NFYB: variants seen among roughly 807,000 people sequenced by gnomAD.
NFYB encodes CAAT box DNA-binding protein subunit B.
Under a neutral mutation model 28.0 loss-of-function variants are expected in NFYB, and 13 were observed. The observed-to-expected ratio is 0.46, with a 90% CI of 0.30 to 0.74. The LOEUF (loss-of-function observed/expected upper bound fraction) is 0.74, where lower values mean the gene tolerates loss of function less well. Among genes scored for constraint, NFYB ranks in the 30% least tolerant of loss-of-function variants. NFYB has a pLI of 0.07. For synonymous variants in NFYB, 74 were observed against 75.0 expected (o/e 0.99, Z 0.07); for missense variants, 142 against 247.6 (o/e 0.57, Z 2.86).
At position 104,130,717 on chromosome 12, in the gene NFYB, T is replaced by C. The variant is rs528307221; in HGVS notation, c.7-2200A>G. On this transcript the variant is annotated intron_variant, in intron 2 of 7. Transcript: ENST00000240055. Reference sequence around the variant, plus strand: ...CAGTGCCCAAAAATCAAATGCTATTTTGATCTTAAAATGCTAACATACTAG... The same window carrying C: ...CAGTGCCCAAAAATCAAATGCTATTCTGATCTTAAAATGCTAACATACTAG... Among the ~76,000 whole-genome samples the C allele has an allele frequency of 7.2e-4, 109 of 152,356 alleles. 1 individual carries two copies. Among genetic ancestry groups the C allele is most frequent in the Non-Finnish European group, 4.1e-4 (28 of 68,034 alleles).
Position 104,119,428 on chromosome 12 carries a change from G to C in NFYB, c.*309C>G, listed in dbSNP as rs117027469. On this transcript the variant is annotated 3_prime_UTR_variant, in exon 8 of 8. Transcript: ENST00000240055. ...TGATTCAATATGAAAATAAGAAACT[G>C]TCTACAAATCTCTGACAGTAATAAA... The C allele has an allele frequency of 2.3e-3, 458 of 201,596 alleles. No individual in the cohort carries two copies. The highest frequency in any genetic ancestry group is 3.9e-3 in the South Asian group (21 of 5,436). 12.5% of individuals were successfully genotyped at this position (201,596 alleles called of 1,614,324 possible). A position where few individuals can be genotyped will look rare whatever the true frequency, so the allele number is the denominator to read the frequency against.
intron 2 of NFYB, among the ~76,000 whole-genome samples, chr12:104,134,570 G>C (rs1277423545): frequency 6.6e-6 from 1 of 151,972 alleles, no homozygotes; most frequent in Non-Finnish European, 1.5e-5. Context: ...TTAACATATT[G>C]TTATAAGACT....
chr12:104,130,436 T>C (rs542945638), intron 2 of NFYB, among the ~76,000 whole-genome samples: 1 of 152,296 alleles, frequency 6.6e-6, no homozygotes, highest in East Asian at 1.9e-4. Context: ...TAGAGACACA[T>C]TTCTATAATT....
chr12:104,132,551 G>C (rs748243258), intron 2 of NFYB, among the ~76,000 whole-genome samples: 1 of 152,220 alleles, frequency 6.6e-6, no homozygotes, highest in Non-Finnish European at 1.5e-5. Flanking sequence ...CATCAGGTCT[G>C]GGTGAGAGCG....
Position 104,128,462 on chromosome 12 carries a change from T to C in NFYB, c.62A>G (p.Tyr21Cys), listed in dbSNP as rs1438476529. Residue 21 changes from tyrosine to cysteine, a missense_variant, in exon 3 of 8, where the codon TAT becomes TGT. By Grantham distance (194) the Tyr-to-Cys change is radical. Around this residue, in one of 2 missense-constraint regions of NFYB, gnomAD observed 54 missense variants for 58.1 expected, o/e 0.93. Coordinates refer to ENST00000240055, the MANE Select transcript of NFYB (RefSeq NM_006166.4). ...TATAACATAATGACTTCCTCCAATA[T>C]AGTCTGCAGAGATTCCTAGTTGAGA... The part of the protein sequence containing the change: ...DASQLGISAD[Y>C]IGGSHYVIQP... 5 of 1,612,524 alleles carry C rather than the reference T, an allele frequency of 3.1e-6. No homozygotes were observed.
intron 3 of NFYB, among the ~76,000 whole-genome samples, chr12:104,128,068 T>C (rs1261221442): frequency 1.3e-5 from 2 of 152,168 alleles, no homozygotes; most frequent in East Asian, 1.9e-4. Context: ...AGAAATATAA[T>C]AGCTAGAAAT....
intron 4 of NFYB, among the ~76,000 whole-genome samples, chr12:104,125,586 T>C (rs1933593127): frequency 1.3e-5 from 2 of 151,876 alleles, no homozygotes; most frequent in South Asian, 4.1e-4. Context: ...CAGTGGCTCA[T>C]GTCTATAATC....
intron 1 of NFYB, among the ~76,000 whole-genome samples, chr12:104,136,881 C>T (rs1308799645): frequency 6.6e-6 from 1 of 152,212 alleles, no homozygotes; most frequent in Non-Finnish European, 1.5e-5. Context: ...GTAGTCCCTT[C>T]CTCCACCCTC....
rs1277753673 is a variant in NFYB, at chr12:104,119,801, T to G, written c.592-32A>C. 2.7e-6 allele frequency: 4 copies of G among 1,478,490 alleles called. No individual in the cohort carries two copies. In the African/African-American group the frequency reaches 5.6e-5, roughly 21 times the overall value. 91.6% of individuals were successfully genotyped at this position (1,478,490 alleles called of 1,614,324 possible). On this transcript the variant is annotated intron_variant, in intron 7 of 7. Coordinates refer to ENST00000240055, the MANE Select transcript of NFYB (RefSeq NM_006166.4). ...TTAGAAAATTTAAATTGAGCAGAAT[T>G]AAAGAAAAGGAGATTAAAAGTACCA...
intron 2 of NFYB, among the ~76,000 whole-genome samples, chr12:104,130,583 T>C (rs2030886935): frequency 6.6e-6 from 1 of 152,184 alleles, no homozygotes; most frequent in South Asian, 2.1e-4. Context: ...CTGACTCTCC[T>C]ACTGATCCCC....
intron 7 of NFYB, among the ~76,000 whole-genome samples, chr12:104,120,163 C>T (rs55799627): frequency 0.035 from 5,283 of 152,090 alleles, 140 homozygotes; most frequent in Middle Eastern, 0.085. Context: ...TCAAGTGATT[C>T]TCCTGCCTCA....
chr12:104,130,041 G>T (rs1036846013), intron 2 of NFYB, among the ~76,000 whole-genome samples: 2 of 152,192 alleles, frequency 1.3e-5, no homozygotes, highest in Non-Finnish European at 1.5e-5. Context: ...TAAATCATAA[G>T]CCCTGAGCTG....
chr12:104,123,302 A>AT lies in NFYB; in HGVS notation c.352dup (p.Ile118AsnfsTer11). On this transcript the variant is annotated frameshift_variant, in exon 5 of 8. Transcript: ENST00000240055. LOFTEE classifies it high-confidence loss of function. Reference sequence around the variant, plus strand: ...GCCTAAAGTAGACATAGCAAAGAGAATATCTTCTCCATTGATTGTTTTCCG... The same window carrying AT: ...GCCTAAAGTAGACATAGCAAAGAGAATTATCTTCTCCATTGATTGTTTTCCG... 1 of 1,614,134 alleles carries AT rather than the reference A, an allele frequency of 6.2e-7. No homozygotes were observed. The highest frequency in any genetic ancestry group is 1.1e-5 in the South Asian group (1 of 91,086).
At chr12:104,131,876 T>C in intron 2 of NFYB, 1 of 431,312 alleles carries the variant, frequency 2.3e-6, no homozygotes, top group South Asian at 1.6e-5. Context: ...ACAGAGCCTA[T>C]TAGTCCTTCC....
intron 2 of NFYB, among the ~76,000 whole-genome samples, chr12:104,133,019 GA>G (rs1332473999): frequency 6.6e-6 from 1 of 152,146 alleles, no homozygotes; most frequent in East Asian, 1.9e-4. Flanking sequence ...AATTATTCTT[GA>G]AAATATTATT....
intron 2 of NFYB, among the ~76,000 whole-genome samples, chr12:104,129,768 C>T (rs1263333442): frequency 6.6e-6 from 1 of 152,030 alleles, no homozygotes; most frequent in Non-Finnish European, 1.5e-5. Flanking sequence ...TGCCTGTAGT[C>T]CTAACTACTT....
At chr12:104,126,397 C>T (rs2030715923) in intron 3 of NFYB, among the ~76,000 whole-genome samples, 153 bp from the exon 4 acceptor site, 1 of 152,146 alleles carries the variant, frequency 6.6e-6, no homozygotes, top group Non-Finnish European at 1.5e-5. Context: ...ATAATTTTTA[C>T]AGAGCCAGAA....
At chr12:104,121,158 C>T in intron 6 of NFYB, 82 bp downstream of exon 6, 1 of 1,136,490 alleles carries the variant, frequency 8.8e-7, no homozygotes. Context: ...ATACTCACTG[C>T]TGACATTCCA....
intron 4 of NFYB, among the ~76,000 whole-genome samples, chr12:104,124,017 TC>T (rs1173832587): frequency 6.6e-6 from 1 of 152,180 alleles, no homozygotes; most frequent in Non-Finnish European, 1.5e-5. Context: ...CACTGGATGT[TC>T]CTACCACCCC....
Sources: allele counts gnomAD v4.1 joint callset (sites outside exome capture counted in the v4.1 genomes callset), GRCh38; gene constraint gnomAD v4.1.1; regional missense constraint gnomAD v4.1.1; transcripts MANE v1.5; gene names NCBI Gene and HGNC (gene_info 2026-07-23, HGNC 2026-07-21).